The following SNX31 variants were observed in gnomAD, a reference collection of about 807,000 sequenced individuals.
The protein encoded by SNX31 is sorting nexin-31.
In SNX31, 58 loss-of-function variants were observed where a neutral mutation model predicts 65.4. The observed-to-expected ratio is 0.89, with a 90% CI of 0.72 to 1.10. The LOEUF (loss-of-function observed/expected upper bound fraction) is 1.10, where lower values mean the gene tolerates loss of function less well. Ranked by LOEUF, SNX31 falls within the 50% of genes least tolerant of loss-of-function variation. The pLI is 0.00. For synonymous variants in SNX31, 181 were observed against 190.1 expected (o/e 0.95, Z 0.39); for missense variants, 523 against 529.7 (o/e 0.99, Z 0.12).
Position 100,596,655 on chromosome 8 carries a change from C to T in SNX31, c.962G>A (p.Trp321Ter). The change falls in exon 10 of 14, where the codon TGG (tryptophan) becomes TAG (stop). Residue 321 changes from tryptophan to a stop codon, truncating the protein, a stop_gained. Transcript: ENST00000311812. LOFTEE classifies it high-confidence loss of function. Reference protein sequence around the residue: ...IVFQMSRVKCWQVTFLGTLLD... With the variant: ...IVFQMSRVKC ...GATACTCACAAGGAAAGTGACCTGCCAGCACTTCACCCTGCTCATCTGGAA... is the reference window on the plus strand; with the variant it reads ...GATACTCACAAGGAAAGTGACCTGCTAGCACTTCACCCTGCTCATCTGGAA... The T allele has an allele frequency of 6.2e-7, 1 of 1,613,904 alleles. No homozygotes were observed. The highest frequency in any genetic ancestry group is 1.6e-4 in the Middle Eastern group (1 of 6,062).
intron 4 of SNX31, among the ~76,000 whole-genome samples, chr8:100,621,881 G>C (rs531120250): frequency 6.6e-6 from 1 of 152,120 alleles, no homozygotes; most frequent in Non-Finnish European, 1.5e-5. Flanking sequence ...TCACTCCCTC[G>C]GAAGAAGGAA....
intron 4 of SNX31, chr8:100,618,095 G>A (rs1817387758): frequency 1.0e-6 from 1 of 985,238 alleles, no homozygotes; most frequent in African/African-American, 1.7e-5. Flanking sequence ...CTGCACCATT[G>A]CAGCAAGCGA....
chr8:100,635,343 T>G (rs947102268), intron 3 of SNX31, among the ~76,000 whole-genome samples: 3 of 151,972 alleles, frequency 2.0e-5, no homozygotes, highest in African/African-American at 7.2e-5. Context: ...ATGCTCAAGC[T>G]ATCCTCTCAC....
intron 10 of SNX31, among the ~76,000 whole-genome samples, chr8:100,593,616 GC>G (rs756552763): frequency 5.3e-5 from 8 of 151,910 alleles, no homozygotes; most frequent in Non-Finnish European, 7.4e-5. Context: ...ACCACGCCCA[GC>G]TAATTTTTGT....
intron 10 of SNX31, among the ~76,000 whole-genome samples, chr8:100,590,078 G>C (rs17351866): frequency 0.022 from 3,293 of 152,268 alleles, 53 homozygotes; most frequent in Middle Eastern, 0.037. Context: ...TGAATCTGTA[G>C]GTTACTCCAT....
chr8:100,661,404 T>C (rs899733447), intron 1 of SNX31, among the ~76,000 whole-genome samples: 1 of 152,132 alleles, frequency 6.6e-6, no homozygotes, highest in African/African-American at 2.4e-5. Flanking sequence ...TAAATTCTCA[T>C]AAATGCAAGA....
In SNX31 at chr8:100,625,401, G is replaced by T. The variant is rs1223062653; in HGVS notation, c.321+4926C>A. On this transcript the variant is annotated intron_variant, in intron 4 of 13. Transcript: ENST00000311812. This position sits in a 1 kb window ranked among gnomAD's most constrained non-coding sequence, Gnocchi z 4.2. ...TGGATTTTCTTGGATGCGCACCATGGCTATTAGACATTCCTCTGCCTCAGA... is the reference window on the plus strand; with the variant it reads ...TGGATTTTCTTGGATGCGCACCATGTCTATTAGACATTCCTCTGCCTCAGA... 6.7e-6 allele frequency among the ~76,000 whole-genome samples: 1 copy of T among 149,708 alleles called. No individual in the cohort carries two copies. The highest frequency in any genetic ancestry group is 1.5e-5 in the Non-Finnish European group (1 of 67,592).
chr8:100,628,846 G>A (rs1268149271), intron 4 of SNX31, among the ~76,000 whole-genome samples: 1 of 149,656 alleles, frequency 6.7e-6, no homozygotes, highest in Non-Finnish European at 1.5e-5. Context: ...GTGTGTGTGT[G>A]TGTAGTCATG....
At position 100,629,507 on chromosome 8, in the gene SNX31, C is replaced by T. The variant is rs187490946; in HGVS notation, c.321+820G>A. On this transcript the variant is annotated intron_variant, in intron 4 of 13. Transcript: ENST00000311812. The surrounding 1 kb of genome is among the most constrained non-coding windows in gnomAD (Gnocchi z 5.1). ...TCCAACACATTTGAACCCCTGTTTA[C>T]ATGAGATTTGTTGTGAGAACCCAAT... 2.0e-5 allele frequency among the ~76,000 whole-genome samples: 3 copies of T among 152,272 alleles called. No homozygotes were observed. In the East Asian group the frequency reaches 5.8e-4, roughly 29 times the overall value.
chr8:100,587,928 G>C (rs549584141), intron 11 of SNX31, among the ~76,000 whole-genome samples: 1 of 152,272 alleles, frequency 6.6e-6, no homozygotes, highest in South Asian at 2.1e-4. Context: ...ATAGAGTGTA[G>C]TTACACAAAC....
At position 100,612,387 on chromosome 8, in the gene SNX31, C is replaced by A. The variant is rs188998730; in HGVS notation, c.524-300G>T. 7.3e-4 allele frequency among the ~76,000 whole-genome samples: 111 copies of A among 152,198 alleles called. No homozygotes were observed. The highest frequency in any genetic ancestry group is 6.0e-3 in the Admixed American group (91 of 15,290). On this transcript the variant is annotated intron_variant, in intron 6 of 13. Transcript: ENST00000311812. This position sits in a 1 kb window ranked among gnomAD's most constrained non-coding sequence, Gnocchi z 4.3. ...GCTCACCGCAGGGCCTAGCAGCCAA[C>A]CCTCTACACAAGCCCCTTAACTTCC...
At chr8:100,597,523 G>A (rs1008910542) in intron 9 of SNX31, among the ~76,000 whole-genome samples, 7 of 152,198 alleles carry the variant, frequency 4.6e-5, no homozygotes, top group Non-Finnish European at 8.8e-5. Flanking sequence ...GATTACAGAC[G>A]TGAGCCACTG....
intron 2 of SNX31, among the ~76,000 whole-genome samples, chr8:100,641,625 C>CATATATATATATAT (rs368399829): frequency 2.0e-4 from 10 of 48,822 alleles, no homozygotes; most frequent in East Asian, 6.7e-4. Context: ...CACACACGCG[C>CATATATATATATAT]ATATATATAT....
upstream of SNX31, among the ~76,000 whole-genome samples, chr8:100,652,735 A>G (rs1180866264): frequency 1.3e-5 from 2 of 151,920 alleles, no homozygotes; most frequent in African/African-American, 4.8e-5. Flanking sequence ...TTGTTCTGGA[A>G]CTTTCCACGT....
intron 4 of SNX31, among the ~76,000 whole-genome samples, chr8:100,619,409 C>A (rs1256422073): frequency 6.6e-6 from 1 of 152,168 alleles, no homozygotes; most frequent in Non-Finnish European, 1.5e-5. Context: ...ACTCTGCAGG[C>A]TTAAGCATAA....
chr8:100,598,203 A>G (rs111784376), intron 9 of SNX31, among the ~76,000 whole-genome samples: 35 of 152,282 alleles, frequency 2.3e-4, no homozygotes, highest in African/African-American at 7.9e-4. Context: ...TCATTGTGCT[A>G]TGGTCCAGGC....
At chr8:100,632,423 G>T (rs1160419586) in intron 3 of SNX31, among the ~76,000 whole-genome samples, 1 of 151,978 alleles carries the variant, frequency 6.6e-6, no homozygotes, top group Non-Finnish European at 1.5e-5. Context: ...AATTTAATGG[G>T]AAATAGATGG....
rs990252101 is a variant in SNX31 at position 100,660,784 on chromosome 8, C to T, written c.-58+2358G>A. The stretch of plus-strand genomic sequence containing the variant: ...TAAAATGAGCTCACAAAGGCATTTA[C>T]ACTAGAATCATAAATCTGAATAATA... On this transcript the variant is annotated intron_variant, in intron 1 of 5. Transcript: ENST00000520352. The surrounding 1 kb of genome is among the most constrained non-coding windows in gnomAD (Gnocchi z 4.1). 3.3e-5 allele frequency among the ~76,000 whole-genome samples: 5 copies of T among 152,216 alleles called. No individual in the cohort carries two copies. Among genetic ancestry groups the T allele is most frequent in the Non-Finnish European group, 7.3e-5 (5 of 68,038 alleles).
At position 100,578,276 on chromosome 8, in the gene SNX31, A is replaced by G. The variant is rs1813212900; in HGVS notation, c.1171-1201T>C. On this transcript the variant is annotated intron_variant, in intron 12 of 13. Transcript: ENST00000311812. This position sits in a 1 kb window ranked among gnomAD's most constrained non-coding sequence, Gnocchi z 4.7. ...AGTTCTTAGACTCTTCTTAATGGGA[A>G]AGAAAAGAACTGCTATGTGCGTTAG... is the stretch of plus-strand genomic sequence containing the variant. 6.6e-6 allele frequency among the ~76,000 whole-genome samples: 1 copy of G among 152,184 alleles called. No individual in the cohort carries two copies. The highest frequency in any genetic ancestry group is 1.5e-5 in the Non-Finnish European group (1 of 68,024).
Sources: allele counts gnomAD v4.1 joint callset (sites outside exome capture counted in the v4.1 genomes callset), GRCh38; gene constraint gnomAD v4.1.1; non-coding constraint Gnocchi (gnomAD v3.1); transcripts MANE v1.5; gene names NCBI Gene and HGNC (gene_info 2026-07-23, HGNC 2026-07-21).